Variants in PCDH9 observed in about 807,000 individuals in gnomAD.
PCDH9 encodes protocadherin 9, also known as protocadherin-9.
In PCDH9, 24 loss-of-function variants were observed where a neutral mutation model predicts 70.6. The ratio of observed to expected loss-of-function variants is 0.34; its 90% CI spans 0.25 to 0.48. The LOEUF (loss-of-function observed/expected upper bound fraction) is 0.48, where lower values mean the gene tolerates loss of function less well. Ranked by LOEUF, PCDH9 falls within the 20% of genes least tolerant of loss-of-function variation. The pLI, the probability that PCDH9 is intolerant of heterozygous loss-of-function variation, is 0.99. For synonymous variants in PCDH9, 562 were observed against 558.5 expected (o/e 1.01, Z -0.09); for missense variants, 1,281 against 1,503.6 (o/e 0.85, Z 2.45).
intron 4 of PCDH9, among the ~76,000 whole-genome samples, chr13:66,351,741 T>A (rs1956294519): frequency 6.6e-6 from 1 of 151,972 alleles, no homozygotes; most frequent in African/African-American, 2.4e-5. Context: ...TATTCCAAGC[T>A]ATATCTTCTC....
chr13:66,745,274 A>T (rs1379775994), intron 3 of PCDH9, among the ~76,000 whole-genome samples: 1 of 152,210 alleles, frequency 6.6e-6, no homozygotes, highest in Non-Finnish European at 1.5e-5. Context: ...TCATACCTGT[A>T]GAAATTCACA....
intron 2 of PCDH9, among the ~76,000 whole-genome samples, chr13:67,067,343 T>G (rs1028384913): frequency 6.6e-6 from 1 of 152,106 alleles, no homozygotes; most frequent in Admixed American, 6.6e-5. Flanking sequence ...AATAATATAT[T>G]TTACCCCATG....
At chr13:66,337,214 A>G (rs1956051241) in intron 4 of PCDH9, among the ~76,000 whole-genome samples, 1 of 152,086 alleles carries the variant, frequency 6.6e-6, no homozygotes, top group Admixed American at 6.6e-5. Context: ...ACTAAAAATA[A>G]CATGAGGTCA....
chr13:66,715,996 A>G (rs1206089747), intron 3 of PCDH9, among the ~76,000 whole-genome samples: 3 of 152,240 alleles, frequency 2.0e-5, no homozygotes, highest in Non-Finnish European at 2.9e-5. Flanking sequence ...TGAAGTAGTT[A>G]TAGAAACCAC....
At chr13:66,882,052 T>C (rs1433622986) in intron 3 of PCDH9, among the ~76,000 whole-genome samples, 2 of 152,198 alleles carry the variant, frequency 1.3e-5, no homozygotes, top group Non-Finnish European at 2.9e-5. Context: ...TTGTATTGAA[T>C]ACTTGGGCTA....
intron 4 of PCDH9, among the ~76,000 whole-genome samples, chr13:66,450,281 G>A (rs1200124639): frequency 6.6e-6 from 1 of 152,128 alleles, no homozygotes; most frequent in African/African-American, 2.4e-5. Context: ...TTACGCCTAT[G>A]CTATTATACA....
intron 3 of PCDH9, among the ~76,000 whole-genome samples, chr13:66,771,845 A>G (rs1394653959): frequency 2.0e-5 from 3 of 152,228 alleles, no homozygotes; most frequent in Non-Finnish European, 4.4e-5. Context: ...AGTTGCATAA[A>G]TCACTGAAAA....
At chr13:67,172,716 A>G (rs1260005619) in intron 2 of PCDH9, among the ~76,000 whole-genome samples, 3 of 152,016 alleles carry the variant, frequency 2.0e-5, no homozygotes, top group Middle Eastern at 3.4e-3. Context: ...CATCTCTACT[A>G]AAAATACAAA....
chr13:66,454,129 T>C (rs1316616119), intron 4 of PCDH9, among the ~76,000 whole-genome samples: 1 of 151,856 alleles, frequency 6.6e-6, no homozygotes, highest in African/African-American at 2.4e-5. Context: ...GAAAAAAAAG[T>C]CCCCAAATAA....
chr13:66,800,738 T>A (rs1036687441), intron 3 of PCDH9, among the ~76,000 whole-genome samples: 2 of 152,150 alleles, frequency 1.3e-5, no homozygotes, highest in African/African-American at 4.8e-5. Flanking sequence ...TTGGTGAAAA[T>A]CAATCTTTGA....
At chr13:66,561,375 G>A (rs900861571) in intron 4 of PCDH9, among the ~76,000 whole-genome samples, 2 of 152,192 alleles carry the variant, frequency 1.3e-5, no homozygotes, top group African/African-American at 4.8e-5. Flanking sequence ...ACTGCACCCA[G>A]TCCCATCCAC....
chr13:66,558,228 C>T (rs949454613), intron 4 of PCDH9, among the ~76,000 whole-genome samples: 1 of 152,116 alleles, frequency 6.6e-6, no homozygotes, highest in Non-Finnish European at 1.5e-5. Flanking sequence ...ACATTAAATA[C>T]TAAAATGCAT....
chr13:67,095,826 C>T lies in PCDH9; in HGVS notation c.3036+129579G>A, dbSNP rs370593564. Among the ~76,000 whole-genome samples, 11 of 152,224 alleles carry T rather than the reference C, an allele frequency of 7.2e-5. No individual in the cohort carries two copies. The East Asian group carries it at 1.2e-3, about 16-fold the overall frequency. ...TTATCATGTACTGTTGGCTGTGTTA[C>T]GTAACAACACAAGGTCAAAATAACT... On this transcript the variant is annotated intron_variant, in intron 2 of 4. Transcript: ENST00000377865.
chr13:67,142,225 C>T lies in PCDH9; in HGVS notation c.3036+83180G>A, dbSNP rs545125955. On this transcript the variant is annotated intron_variant, in intron 2 of 4. Transcript: ENST00000377865. ...AATCAAACAGAATTAAAATTTTGTA[C>T]AGTTTAGTAAATTTATAAATTTTAA... is the stretch of plus-strand genomic sequence containing the variant. 1.9e-3 allele frequency among the ~76,000 whole-genome samples: 290 copies of T among 152,120 alleles called. 2 individuals are homozygous for T. Among genetic ancestry groups the T allele is most frequent in the African/African-American group, 6.7e-3 (280 of 41,518 alleles).
chr13:66,616,836 A>G (rs1056894261), intron 4 of PCDH9, among the ~76,000 whole-genome samples: 3 of 151,984 alleles, frequency 2.0e-5, no homozygotes, highest in African/African-American at 7.3e-5. Context: ...CCGCAGTTTC[A>G]CCTTAGCATT....
At chr13:66,994,657 G>T (rs374313084) in intron 2 of PCDH9, among the ~76,000 whole-genome samples, 1 of 152,130 alleles carries the variant, frequency 6.6e-6, no homozygotes, top group Admixed American at 6.5e-5. Flanking sequence ...AGATGGCTGG[G>T]GACTTCTGAG....
chr13:66,428,746 C>T (rs192410896), intron 4 of PCDH9, among the ~76,000 whole-genome samples: 1 of 151,494 alleles, frequency 6.6e-6, no homozygotes, highest in East Asian at 1.9e-4. Context: ...GATATTCTTC[C>T]TTACTTTTCA....
intron 4 of PCDH9, among the ~76,000 whole-genome samples, chr13:66,541,665 C>T (rs1276799446): frequency 4.6e-5 from 7 of 152,080 alleles, no homozygotes; most frequent in Admixed American, 1.3e-4. Context: ...ATTGGATTTA[C>T]GGACCACTCT....
intron 2 of PCDH9, among the ~76,000 whole-genome samples, chr13:67,002,160 C>A (rs1480955557): frequency 6.6e-6 from 1 of 151,896 alleles, no homozygotes; most frequent in Non-Finnish European, 1.5e-5. Flanking sequence ...TAAAGCCACA[C>A]CATTAATTGT....
Sources: gnomAD v4.1 joint callset for allele counts (sites outside exome capture counted in the v4.1 genomes callset) on GRCh38, gnomAD v4.1.1 for gene constraint, MANE v1.5 for transcripts, NCBI Gene and HGNC (gene_info 2026-07-23, HGNC 2026-07-21) for gene names.